FKBP3: variants seen among roughly 807,000 people sequenced by gnomAD.
The protein encoded by FKBP3 is FKBP prolyl isomerase 3, also known as peptidyl-prolyl cis-trans isomerase FKBP3.
A neutral mutation model predicts 30.6 loss-of-function variants in FKBP3; 21 were observed. That is an observed-to-expected ratio of 0.69 (90% CI 0.49 to 0.99). FKBP3 has a LOEUF of 0.99. Among genes scored for constraint, FKBP3 ranks in the 50% least tolerant of loss-of-function variants. The pLI, the probability that FKBP3 is intolerant of heterozygous loss-of-function variation, is 0.00. For missense variants in FKBP3, 283 were observed against 261.6 expected (o/e 1.08, Z -0.56); for synonymous variants, 82 against 91.3 (o/e 0.90, Z 0.58).
At chr14:45,118,852 C>T (rs1266432853) in intron 5 of FKBP3, among the ~76,000 whole-genome samples, 1 of 151,948 alleles carries the variant, frequency 6.6e-6, no homozygotes, top group Non-Finnish European at 1.5e-5. Context: ...ACATAAAATA[C>T]ATTTTTTTCT....
At chr14:45,124,106 GT>G (rs1022417530) in intron 3 of FKBP3, among the ~76,000 whole-genome samples, 1 of 152,148 alleles carries the variant, frequency 6.6e-6, no homozygotes, top group African/African-American at 2.4e-5. Flanking sequence ...ACTGCTTATA[GT>G]TTTGTGTCCA....
chr14:45,132,636 A>G (rs1397763721), intron 1 of FKBP3, among the ~76,000 whole-genome samples: 2 of 151,862 alleles, frequency 1.3e-5, no homozygotes, highest in African/African-American at 4.8e-5. Context: ...CCTGGCCTCA[A>G]CTGTTAGTCA....
At chr14:45,125,920 G>C (rs1369055839) in intron 3 of FKBP3, among the ~76,000 whole-genome samples, 1 of 150,672 alleles carries the variant, frequency 6.6e-6, no homozygotes, top group African/African-American at 2.4e-5. Flanking sequence ...TTTTTTTTGA[G>C]ACAAGGTCTT....
chr14:45,123,602 CTTTTTTTTTTTTT>C (rs200242313), intron 3 of FKBP3, among the ~76,000 whole-genome samples: 40 of 84,302 alleles, frequency 4.7e-4, no homozygotes, highest in Admixed American at 1.0e-3. Flanking sequence ...CTCTCTACTC[CTTTTTTTTTTTTT>C]TTTTTTTTTT....
At chr14:45,119,038 G>C (rs1010714025) in intron 5 of FKBP3, among the ~76,000 whole-genome samples, 9 of 151,956 alleles carry the variant, frequency 5.9e-5, no homozygotes, top group African/African-American at 2.2e-4. Context: ...TTTTTAAAAT[G>C]TTACGGCACT....
At chr14:45,122,364 T>A (rs772821356) in intron 3 of FKBP3, among the ~76,000 whole-genome samples, 10 of 152,330 alleles carry the variant, frequency 6.6e-5, no homozygotes, top group Non-Finnish European at 2.9e-5. Context: ...TTCAGAGGGA[T>A]CTGCATTATC....
intron 4 of FKBP3, 68 bp from the exon 5 acceptor site, chr14:45,121,022 A>G: frequency 8.0e-7 from 1 of 1,250,150 alleles, no homozygotes; most frequent in Non-Finnish European, 1.1e-6. Flanking sequence ...TTCCATTGGA[A>G]ATTATTAAAT....
At chr14:45,116,487 A>AT (rs1202925379) in intron 6 of FKBP3, among the ~76,000 whole-genome samples, 36 of 152,046 alleles carry the variant, frequency 2.4e-4, no homozygotes, top group South Asian at 1.0e-3. Flanking sequence ...GAACAAAAAA[A>AT]ATATATATAC....
chr14:45,124,029 C>T (rs1482974091), intron 3 of FKBP3, among the ~76,000 whole-genome samples: 2 of 151,890 alleles, frequency 1.3e-5, no homozygotes, highest in East Asian at 3.9e-4. Context: ...CTTTAATGTC[C>T]GATTGTGTTT....
intron 1 of FKBP3, among the ~76,000 whole-genome samples, chr14:45,131,671 T>G (rs1885218796): frequency 6.8e-6 from 1 of 146,824 alleles, no homozygotes; most frequent in African/African-American, 2.5e-5. Context: ...TGTCTGACAC[T>G]AGACAGGGGA....
intron 3 of FKBP3, among the ~76,000 whole-genome samples, chr14:45,129,455 C>G (rs908718481): frequency 1.3e-5 from 2 of 152,106 alleles, no homozygotes; most frequent in Non-Finnish European, 2.9e-5. Context: ...TAAAAATAAT[C>G]AAAAGAAAAT....
Sources: allele counts gnomAD v4.1 joint callset (sites outside exome capture counted in the v4.1 genomes callset), GRCh38; gene constraint gnomAD v4.1.1; transcripts MANE v1.5; gene names NCBI Gene and HGNC (gene_info 2026-07-23, HGNC 2026-07-21).